The following PDE3B variants were observed in gnomAD, a reference collection of about 807,000 sequenced individuals.
PDE3B encodes the protein cGMP-inhibited 3',5'-cyclic phosphodiesterase 3B.
PDE3B carries 66 observed loss-of-function variants against 116.8 expected under a neutral mutation model. The observed-to-expected ratio is 0.56, with a 90% confidence interval of 0.46 to 0.69. The LOEUF (loss-of-function observed/expected upper bound fraction) is 0.69. Among genes scored for constraint, PDE3B ranks in the 30% least tolerant of loss-of-function variants. PDE3B has a pLI of 0.00. For missense variants in PDE3B, 1,384 were observed against 1,368.1 expected (o/e 1.01, Z -0.18); for synonymous variants, 595 against 533.6 (o/e 1.12, Z -1.59).
At chr11:14,851,487 T>C (rs1182302309) in intron 12 of PDE3B, among the ~76,000 whole-genome samples, 1 of 146,876 alleles carries the variant, frequency 6.8e-6, no homozygotes. Flanking sequence ...TGAATATGTA[T>C]ATGTGTAAAT....
At chr11:14,807,864 T>C (rs1476552177) in intron 5 of PDE3B, among the ~76,000 whole-genome samples, 2 of 151,986 alleles carry the variant, frequency 1.3e-5, no homozygotes, top group African/African-American at 4.8e-5. Flanking sequence ...CTGGCCAACA[T>C]GGTGAAACCC....
chr11:14,688,666 T>G (rs1225870180), intron 1 of PDE3B, among the ~76,000 whole-genome samples: 1 of 152,238 alleles, frequency 6.6e-6, no homozygotes, highest in East Asian at 1.9e-4. Flanking sequence ...ATTCACTTTT[T>G]ATTTCTAATT....
intron 1 of PDE3B, among the ~76,000 whole-genome samples, chr11:14,751,231 ATAGAAGT>A (rs1313002709): frequency 6.6e-6 from 1 of 152,292 alleles, no homozygotes; most frequent in Admixed American, 6.5e-5. Context: ...TAAAAATGTT[ATAGAAGT>A]TAGAATTTTG....
chr11:14,736,688 T>A (rs1200388636), intron 1 of PDE3B, among the ~76,000 whole-genome samples: 1 of 152,218 alleles, frequency 6.6e-6, no homozygotes, highest in Non-Finnish European at 1.5e-5. Flanking sequence ...TATATTTTTT[T>A]AAGACACTAT....
At chr11:14,880,171 G>A in the PDE3B span, 8 of 1,612,650 alleles carry the variant, frequency 5.0e-6, no homozygotes, top group Middle Eastern at 1.7e-4. Flanking sequence ...GAAAAGAATC[G>A]CCCACCGTAG....
Position 14,869,510 on chromosome 11 carries a change from C to T in PDE3B, c.3189C>T (p.His1063=). The change falls in exon 16 of 16, where the codon CAC becomes CAT. Residue 1063 remains histidine, a synonymous_variant. Transcript: ENST00000282096. ...GGCGAATATTTTGTCAGCTAATGCA[C>T]CACCTCACTGAAAACCACAAGATAT... ...SRRRIFCQLM[H]HLTENHKIWK... 1 of 1,612,734 alleles carries T rather than the reference C, an allele frequency of 6.2e-7. No individual in the cohort carries two copies. The highest frequency in any genetic ancestry group is 8.5e-7 in the Non-Finnish European group (1 of 1,179,658).
chr11:14,670,873 A>G (rs1854343379), intron 1 of PDE3B, among the ~76,000 whole-genome samples: 1 of 151,828 alleles, frequency 6.6e-6, no homozygotes, highest in Non-Finnish European at 1.5e-5. Context: ...AATGATACGT[A>G]TAATTTTTTT....
intron 1 of PDE3B, among the ~76,000 whole-genome samples, chr11:14,728,235 T>G (rs928307373): frequency 6.6e-6 from 1 of 151,976 alleles, no homozygotes; most frequent in Non-Finnish European, 1.5e-5. Context: ...TGGCTGATAG[T>G]GTTATATAAA....
rs184904277 is a variant in PDE3B, at chr11:14,779,559, A to G, written c.1030-6878A>G. On this transcript the variant is annotated intron_variant, in intron 2 of 15. Transcript: ENST00000282096. Reference sequence around the variant, plus strand: ...ATTTTCAACCCAGAATTTCATATCCATCCCAACTAAGCTTCATAAGTGAAG... The same window carrying G: ...ATTTTCAACCCAGAATTTCATATCCGTCCCAACTAAGCTTCATAAGTGAAG... Among the ~76,000 whole-genome samples, 45 of 152,330 alleles carry G rather than the reference A, an allele frequency of 3.0e-4. 1 individual carries two copies. Among genetic ancestry groups the G allele is most frequent in the Non-Finnish European group, 7.3e-5 (5 of 68,042 alleles).
intron 1 of PDE3B, among the ~76,000 whole-genome samples, chr11:14,697,091 A>G (rs1168161814): frequency 6.6e-6 from 1 of 151,772 alleles, no homozygotes; most frequent in African/African-American, 2.4e-5. Flanking sequence ...GCATGCCACC[A>G]TGTCCAGCAA....
rs778992160 is a variant in PDE3B, at chr11:14,818,274, T to A, written c.1614T>A (p.Pro538=). Reference sequence around the variant, plus strand: ...CTAATCGATCACCCATAGAATTTCCTGATACTGCTGATTTTCTTAATAAGC... The same window carrying A: ...CTAATCGATCACCCATAGAATTTCCAGATACTGCTGATTTTCTTAATAAGC... ...SLTNRSPIEF[P]DTADFLNKPS... Residue 538 remains proline (P), a synonymous_variant, in exon 6 of 16, where the codon CCT becomes CCA. Coordinates refer to ENST00000282096, the MANE Select transcript of PDE3B (RefSeq NM_000922.4). 4.3e-6 allele frequency: 7 copies of A among 1,613,246 alleles called. No homozygotes were observed. The highest frequency in any genetic ancestry group is 5.1e-6 in the Non-Finnish European group (6 of 1,179,362).
intron 1 of PDE3B, among the ~76,000 whole-genome samples, chr11:14,671,263 C>T (rs1160609083): frequency 6.6e-6 from 1 of 151,936 alleles, no homozygotes; most frequent in Non-Finnish European, 1.5e-5. Context: ...GAAGATGGTG[C>T]TTTAGGTATG....
chr11:14,862,168 C>T (rs1214561483), intron 14 of PDE3B, among the ~76,000 whole-genome samples: 2 of 152,174 alleles, frequency 1.3e-5, no homozygotes, highest in African/African-American at 4.8e-5. Flanking sequence ...TTCCCTGGTG[C>T]CAGCTGTGAC....
chr11:14,835,472 A>G (rs986491596), intron 11 of PDE3B, among the ~76,000 whole-genome samples: 2 of 152,066 alleles, frequency 1.3e-5, no homozygotes, highest in African/African-American at 4.8e-5. Context: ...AGTACATCAC[A>G]TACATTTAAA....
chr11:14,836,259 T>C (rs1447471679), intron 11 of PDE3B, among the ~76,000 whole-genome samples: 1 of 152,198 alleles, frequency 6.6e-6, no homozygotes, highest in African/African-American at 2.4e-5. Context: ...AAGGTATTAT[T>C]CCATAATCTT....
intron 13 of PDE3B, among the ~76,000 whole-genome samples, chr11:14,860,734 A>G (rs943776372): frequency 1.3e-5 from 2 of 152,162 alleles, no homozygotes; most frequent in Non-Finnish European, 2.9e-5. Context: ...TCAGGATTTA[A>G]AACTATAGGG....
intron 1 of PDE3B, among the ~76,000 whole-genome samples, chr11:14,722,109 T>C (rs910567606): frequency 8.2e-5 from 11 of 134,836 alleles, no homozygotes; most frequent in African/African-American, 3.1e-4. Context: ...AATTAAACAA[T>C]GAGAACACAT....
At chr11:14,649,885 T>C (rs1486208055) in intron 1 of PDE3B, among the ~76,000 whole-genome samples, 1 of 152,218 alleles carries the variant, frequency 6.6e-6, no homozygotes, top group African/African-American at 2.4e-5. Context: ...GAAAAACTGT[T>C]AGCTAAACAA....
intron 5 of PDE3B, among the ~76,000 whole-genome samples, chr11:14,817,039 A>G (rs1183434829): frequency 2.6e-5 from 4 of 152,190 alleles, no homozygotes; most frequent in Admixed American, 6.5e-5. Flanking sequence ...AACCAACCCA[A>G]ATGTCCATCA....
Sources: allele counts gnomAD v4.1 joint callset (sites outside exome capture counted in the v4.1 genomes callset), GRCh38; gene constraint gnomAD v4.1.1; transcripts MANE v1.5; gene names NCBI Gene and HGNC (gene_info 2026-07-23, HGNC 2026-07-21).